MORC3: variants seen among roughly 807,000 people sequenced by gnomAD.
The protein encoded by MORC3 is MORC family CW-type zinc finger protein 3.
A neutral mutation model predicts 109.1 loss-of-function variants in MORC3; 31 were observed. The observed-to-expected ratio is 0.28, with a 90% CI of 0.21 to 0.38. MORC3 has a LOEUF of 0.38. Ranked by LOEUF, MORC3 falls within the 10% of genes least tolerant of loss-of-function variation. The probability of loss-of-function intolerance (pLI) is 1.00; values close to 1 mark genes in which losing one functional copy is unlikely to be tolerated. For synonymous variants in MORC3, 395 were observed against 380.7 expected, an observed-to-expected ratio of 1.04 and a Z score of -0.44; for missense variants, 867 against 1,135.8, an observed-to-expected ratio of 0.76 and a Z score of 3.40.
chr21:36,363,627 A>G (rs929797884), intron 13 of MORC3, among the ~76,000 whole-genome samples: 1 of 152,186 alleles, frequency 6.6e-6, no homozygotes, highest in East Asian at 1.9e-4. Flanking sequence ...CAAAACAAAA[A>G]TGATTGCTTG....
chr21:36,362,604 TG>T (rs1271987624), intron 13 of MORC3, among the ~76,000 whole-genome samples: 1 of 152,036 alleles, frequency 6.6e-6, no homozygotes, highest in Non-Finnish European at 1.5e-5. Flanking sequence ...CTTGAACTCC[TG>T]GCCTCAAGTA....
chr21:36,320,401 A>G, intron 1 of MORC3, 98 bp downstream of exon 1: 2 of 1,132,064 alleles, frequency 1.8e-6, no homozygotes, highest in Middle Eastern at 3.3e-4. Flanking sequence ...TGTGGGGCCG[A>G]CGCGGCGGCG....
At chr21:36,335,397 C>A (rs2085365159) in intron 2 of MORC3, among the ~76,000 whole-genome samples, 1 of 150,600 alleles carries the variant, frequency 6.6e-6, no homozygotes, top group South Asian at 2.1e-4. Context: ...CTCACTGCAA[C>A]CTCCTCTACC....
chr21:36,335,583 T>A (rs1031433403), intron 2 of MORC3, among the ~76,000 whole-genome samples: 2 of 152,168 alleles, frequency 1.3e-5, no homozygotes, highest in African/African-American at 4.8e-5. Flanking sequence ...CCCAAACTGC[T>A]GGGATTACAG....
rs1403022021 is a variant in MORC3, at chr21:36,372,520, G to A, written c.2655G>A (p.Met885Ile). The part of the protein sequence containing the change: ...SSNIEESVNH[M>I]DGESLKLRSL... The stretch of plus-strand genomic sequence containing the variant: ...ACATTGAGGAGTCTGTAAATCATAT[G>A]GATGGAGAAAGGTAATATTAAATGA... Residue 885 changes from methionine (M) to isoleucine (I), a missense_variant, in exon 16 of 17, where the codon ATG (methionine) becomes ATA (isoleucine). By Grantham distance (10) the Met-to-Ile change is conservative. Transcript: ENST00000400485. 6.3e-7 allele frequency: 1 copy of A among 1,580,330 alleles called. No homozygotes were observed. Among genetic ancestry groups the A allele is most frequent in the Non-Finnish European group, 8.5e-7 (1 of 1,171,646 alleles).
In MORC3 at chr21:36,337,755, C is replaced by T. The variant is rs939132522; in HGVS notation, c.269C>T (p.Thr90Ile). 1 of 1,612,292 alleles carries T rather than the reference C, an allele frequency of 6.2e-7. No homozygotes were observed. Among genetic ancestry groups the T allele is most frequent in the Non-Finnish European group, 8.5e-7 (1 of 1,179,070 alleles). The stretch of plus-strand genomic sequence containing the variant: ...AGCTTTGGCTTCAGTGACAAAGTCA[C>T]CATGAATGGTCATGTCCCAGTTGGA... Reference protein sequence around the residue: ...MLSFGFSDKVTMNGHVPVGLY... With the variant: ...MLSFGFSDKVIMNGHVPVGLY... Residue 90 changes from threonine to isoleucine, a missense_variant, in exon 4 of 17, where the codon ACC (threonine) becomes ATC (isoleucine). This residue lies in a region of MORC3 where 53 missense variants were observed against 130.3 expected (regional missense o/e 0.41). Transcript: ENST00000400485.
chr21:36,326,465 C>A (rs1345622261), intron 1 of MORC3, among the ~76,000 whole-genome samples: 1 of 152,118 alleles, frequency 6.6e-6, no homozygotes, highest in African/African-American at 2.4e-5. Flanking sequence ...GTGAAAGTTG[C>A]AGTGAGCCAC....
rs974934747 is a variant in MORC3 at position 36,327,678 on chromosome 21, T to C, written c.40-5968T>C. Among the ~76,000 whole-genome samples the C allele has an allele frequency of 2.1e-4, 32 of 151,242 alleles. 1 individual carries two copies. Among genetic ancestry groups the C allele is most frequent in the Non-Finnish European group, 4.1e-4 (28 of 68,030 alleles). On this transcript the variant is annotated intron_variant, in intron 1 of 16. Coordinates refer to ENST00000400485, the MANE Select transcript of MORC3 (RefSeq NM_015358.3). ...AAAACAACAAAATGGAGGGAACTTA[T>C]TATCTGTCATACCAGTTGATGACTG...
chr21:36,348,928 G>A (rs963004384), intron 8 of MORC3, among the ~76,000 whole-genome samples: 3 of 152,094 alleles, frequency 2.0e-5, no homozygotes, highest in African/African-American at 7.2e-5. Context: ...GGGAGGCCGA[G>A]GCTGGTGGAT....
At chr21:36,353,747 ATTTTTGTATTTTTTT>A (rs2085604657) in intron 9 of MORC3, among the ~76,000 whole-genome samples, 2 of 65,510 alleles carry the variant, frequency 3.1e-5, no homozygotes, top group Non-Finnish European at 5.2e-5. Context: ...AGCCCGGCTA[ATTTTTGTATTTTTTT>A]TTTTTTTTTT....
At position 36,364,277 on chromosome 21, in the gene MORC3, G is replaced by T. The variant is rs1569107232; in HGVS notation, c.1619+18G>T. ...AGCAACAGGTCAGTGGCTAAGATTGGTTTTCCATTTGGGGAATATTAAACA... is the reference window on the plus strand; with the variant it reads ...AGCAACAGGTCAGTGGCTAAGATTGTTTTTCCATTTGGGGAATATTAAACA... On this transcript the variant is annotated intron_variant, in intron 14 of 16. Transcript: ENST00000400485. The T allele has an allele frequency of 6.2e-7, 1 of 1,609,440 alleles. No homozygotes were observed. Among genetic ancestry groups the T allele is most frequent in the Non-Finnish European group, 8.5e-7 (1 of 1,178,238 alleles).
At chr21:36,365,264 AC>A (rs541332167) in intron 14 of MORC3, among the ~76,000 whole-genome samples, 55 of 152,260 alleles carry the variant, frequency 3.6e-4, no homozygotes, top group Admixed American at 2.1e-3. Flanking sequence ...GGTGGTACTT[AC>A]GTTGGTTCCT....
intron 5 of MORC3, chr21:36,339,501 C>CAAAAAAAAAAAAAAAAAAAAA (rs55863855): frequency 1.5e-4 from 15 of 101,382 alleles, no homozygotes; most frequent in Non-Finnish European, 1.8e-4. Context: ...CCCGTCTTCT[C>CAAAAAAAAAAAAAAAAAAAAA]AAAAAAAAAA....
In MORC3 at chr21:36,364,178, T is replaced by C; in HGVS notation, c.1538T>C (p.Leu513Pro). Residue 513 changes from leucine to proline, a missense_variant, in exon 14 of 17, where the codon CTT (leucine) becomes CCT (proline). Coordinates refer to ENST00000400485, the MANE Select transcript of MORC3 (RefSeq NM_015358.3). ...AAGGAAAGTGTTCCAAGAAGACATC[T>C]TTCAGAAGGAACAAATTCTTATGCG... ...SPKESVPRRH[L>P]SEGTNSYATR... The C allele has an allele frequency of 6.2e-7, 1 of 1,614,156 alleles. No individual in the cohort carries two copies. The highest frequency in any genetic ancestry group is 8.5e-7 in the Non-Finnish European group (1 of 1,179,994).
At chr21:36,343,856 A>G (rs1392248980) in intron 6 of MORC3, among the ~76,000 whole-genome samples, 2 of 152,216 alleles carry the variant, frequency 1.3e-5, no homozygotes, top group East Asian at 1.9e-4. Context: ...TAGCAATTAC[A>G]TTATTAGTAA....
chr21:36,353,781 A>G (rs545326215), intron 9 of MORC3, among the ~76,000 whole-genome samples: 2 of 21,382 alleles, frequency 9.4e-5, no homozygotes, highest in African/African-American at 6.2e-4. Flanking sequence ...TTTTTTTAGT[A>G]AAGACAGAGT....
At chr21:36,327,797 G>A (rs1234424111) in intron 1 of MORC3, among the ~76,000 whole-genome samples, 1 of 145,674 alleles carries the variant, frequency 6.9e-6, no homozygotes, top group Admixed American at 6.7e-5. Flanking sequence ...TGAAATTTTA[G>A]CATGGGTGAC....
In MORC3 at chr21:36,364,366, A is replaced by T. The variant is rs571237624; in HGVS notation, c.1619+107A>T. 5.9e-5 allele frequency: 71 copies of T among 1,202,596 alleles called. No homozygotes were observed. In the South Asian group the frequency reaches 9.3e-4, roughly 16 times the overall value. The allele number at this position is 1,202,596 out of a possible 1,614,324, so 74.5% of individuals were successfully genotyped here. A position where few individuals can be genotyped will look rare whatever the true frequency, so the allele number is the denominator to read the frequency against. On this transcript the variant is annotated intron_variant, in intron 14 of 16. Transcript: ENST00000400485. ...CGGGATCATTGTAGGTTCCATTGTG[A>T]ATTGTAGGTTCCATGAATGTGAAAA...
intron 12 of MORC3, 61 bp downstream of exon 12, chr21:36,360,319 G>A: frequency 6.8e-7 from 1 of 1,470,680 alleles, no homozygotes; most frequent in South Asian, 1.2e-5. Flanking sequence ...GTGATGCCTT[G>A]GCAACATTAT....
Sources: gnomAD v4.1 joint callset for allele counts (sites outside exome capture counted in the v4.1 genomes callset) on GRCh38, gnomAD v4.1.1 for gene constraint, gnomAD v4.1.1 regional missense constraint, MANE v1.5 for transcripts, NCBI Gene and HGNC (gene_info 2026-07-23, HGNC 2026-07-21) for gene names.